The following STXBP5 variants were observed in gnomAD, a reference collection of about 807,000 sequenced individuals.
STXBP5 encodes syntaxin binding protein 5.
STXBP5 carries 50 observed loss-of-function variants against 152.4 expected under a neutral mutation model. The observed-to-expected ratio is 0.33, with a 90% CI of 0.26 to 0.42. STXBP5 has a LOEUF of 0.42. Ranked by LOEUF, STXBP5 falls within the 10% of genes least tolerant of loss-of-function variation. The pLI, the probability that STXBP5 is intolerant of heterozygous loss-of-function variation, is 1.00. For missense variants in STXBP5, 1,167 were observed against 1,388.6 expected, an observed-to-expected ratio of 0.84 and a Z score of 2.54; for synonymous variants, 492 against 494.7, an observed-to-expected ratio of 0.99 and a Z score of 0.07.
rs762695472 is a variant in STXBP5 at position 147,363,413 on chromosome 6, A to G, written c.2624A>G (p.Tyr875Cys). The change falls in exon 24 of 28, where the codon TAT (tyrosine) becomes TGT (cysteine). Residue 875 changes from tyrosine (Y) to cysteine (C), a missense_variant. By Grantham distance (194) the Tyr-to-Cys change is radical. Coordinates refer to ENST00000321680, the MANE Select transcript of STXBP5 (RefSeq NM_001127715.4). ...ACAGGCTGCTTAATACCACCTGCGT[A>G]TGAACCCTGGAGAGAGCACAATGTT... ...DTTGCLIPPA[Y>C]EPWREHNVPE... 9.9e-6 allele frequency: 16 copies of G among 1,614,050 alleles called. No individual in the cohort carries two copies. The highest frequency in any genetic ancestry group is 1.3e-5 in the African/African-American group (1 of 74,936).
chr6:147,264,699 A>G (rs1319906743), intron 6 of STXBP5, among the ~76,000 whole-genome samples: 3 of 152,286 alleles, frequency 2.0e-5, no homozygotes, highest in African/African-American at 7.2e-5. Flanking sequence ...TCTATGGGTT[A>G]TAAAAGATTC....
At chr6:147,236,158 G>A (rs1374741467) in intron 3 of STXBP5, among the ~76,000 whole-genome samples, 1 of 151,956 alleles carries the variant, frequency 6.6e-6, no homozygotes, top group East Asian at 1.9e-4. Context: ...AGGCATCATG[G>A]GTGTAAAAAG....
At chr6:147,258,010 A>G (rs1402473774) in intron 4 of STXBP5, among the ~76,000 whole-genome samples, 1 of 152,160 alleles carries the variant, frequency 6.6e-6, no homozygotes, top group Non-Finnish European at 1.5e-5. Flanking sequence ...GGGCCAGGCC[A>G]GGGTCTCCAA....
chr6:147,248,549 C>T (rs552118028), intron 4 of STXBP5, among the ~76,000 whole-genome samples: 1 of 152,194 alleles, frequency 6.6e-6, no homozygotes, highest in South Asian at 2.1e-4. Context: ...GATTGTGATG[C>T]AGCTGGAGCT....
intron 4 of STXBP5, among the ~76,000 whole-genome samples, chr6:147,248,386 A>T (rs540746345): frequency 2.0e-5 from 3 of 152,174 alleles, no homozygotes; most frequent in Non-Finnish European, 2.9e-5. Context: ...ATGCAAATGT[A>T]TATTACAATA....
At chr6:147,356,003 A>G (rs551690267) in intron 22 of STXBP5, among the ~76,000 whole-genome samples, 3 of 152,208 alleles carry the variant, frequency 2.0e-5, no homozygotes, top group South Asian at 4.1e-4. Flanking sequence ...AAAATAAGCA[A>G]CCTATTTCTA....
At chr6:147,245,361 A>G (rs974440984) in intron 4 of STXBP5, among the ~76,000 whole-genome samples, 1 of 152,194 alleles carries the variant, frequency 6.6e-6, no homozygotes, top group African/African-American at 2.4e-5. Flanking sequence ...AGTTGAGGAA[A>G]AACATACAAT....
intron 2 of STXBP5, among the ~76,000 whole-genome samples, chr6:147,210,108 A>G (rs1776772017): frequency 6.6e-6 from 1 of 152,202 alleles, no homozygotes; most frequent in Non-Finnish European, 1.5e-5. Flanking sequence ...TTATTAATCC[A>G]TATAGGTAGT....
intron 26 of STXBP5, among the ~76,000 whole-genome samples, chr6:147,374,699 C>T (rs969019940): frequency 7.9e-5 from 12 of 152,108 alleles, no homozygotes; most frequent in African/African-American, 1.7e-4. Context: ...AAGCCCAGAG[C>T]GGAGAGCCTG....
intron 10 of STXBP5, among the ~76,000 whole-genome samples, chr6:147,310,515 T>A (rs1359494167): frequency 7.0e-6 from 1 of 142,484 alleles, no homozygotes; most frequent in South Asian, 2.4e-4. Flanking sequence ...ACGCACACAC[T>A]CATAGGAGAG....
chr6:147,293,260 A>T (rs1781365539), intron 9 of STXBP5: 1 of 152,180 alleles, frequency 6.6e-6, no homozygotes, highest in South Asian at 2.1e-4. Flanking sequence ...TTGTTAAATG[A>T]CGTAGTTATA....
intron 4 of STXBP5, among the ~76,000 whole-genome samples, chr6:147,249,123 G>A (rs1308229764): frequency 6.6e-6 from 1 of 152,174 alleles, no homozygotes; most frequent in Non-Finnish European, 1.5e-5. Context: ...CAGCATGGCT[G>A]AAATGTGGAT....
chr6:147,299,401 A>G (rs770080080), intron 9 of STXBP5, among the ~76,000 whole-genome samples: 1 of 152,024 alleles, frequency 6.6e-6, no homozygotes. Flanking sequence ...AGACCTGGAC[A>G]TATTCAGTGC....
At chr6:147,344,268 A>G (rs1784218658) in intron 21 of STXBP5, among the ~76,000 whole-genome samples, 1 of 152,102 alleles carries the variant, frequency 6.6e-6, no homozygotes, top group Non-Finnish European at 1.5e-5. Context: ...GTCTTTTTTT[A>G]CATTAAAAGG....
intron 18 of STXBP5, among the ~76,000 whole-genome samples, chr6:147,333,137 T>G (rs1034547027): frequency 6.6e-6 from 1 of 152,236 alleles, no homozygotes. Flanking sequence ...AAAGATTAAA[T>G]GCATACCTAT....
chr6:147,230,028 C>T (rs932188985), intron 2 of STXBP5, among the ~76,000 whole-genome samples: 15 of 151,632 alleles, frequency 9.9e-5, no homozygotes, highest in African/African-American at 3.6e-4. Context: ...AGGAAATTCC[C>T]TTCTATTTCT....
chr6:147,352,435 A>T (rs1784630717), intron 21 of STXBP5, among the ~76,000 whole-genome samples: 1 of 152,128 alleles, frequency 6.6e-6, no homozygotes, highest in Admixed American at 6.5e-5. Flanking sequence ...CAGGAGTGAA[A>T]CCCCATCTCC....
Position 147,339,321 on chromosome 6 carries a change from A to G in STXBP5, c.2207-16A>G, listed in dbSNP as rs878877373. The G allele has an allele frequency of 3.3e-6, 5 of 1,516,864 alleles. No homozygotes were observed. The South Asian group carries it at 5.2e-5, about 16-fold the overall frequency. The allele number at this position is 1,516,864 out of a possible 1,614,324, so 94.0% of individuals were successfully genotyped here. A position where few individuals can be genotyped will look rare whatever the true frequency, so the allele number is the denominator to read the frequency against. ...TGACTAGATTTTGACATTTTATATC[A>G]AAATATTGTTTTCAGTGAAGACCAA... On this transcript the variant is annotated splice_polypyrimidine_tract_variant and intron_variant, in intron 20 of 27. Transcript: ENST00000321680.
chr6:147,235,734 A>G (rs1562428112), intron 3 of STXBP5, among the ~76,000 whole-genome samples: 1 of 152,192 alleles, frequency 6.6e-6, no homozygotes, highest in African/African-American at 2.4e-5. Flanking sequence ...ATTCATTAGA[A>G]AGTAGTTTCT....
Sources: allele counts gnomAD v4.1 joint callset (sites outside exome capture counted in the v4.1 genomes callset), GRCh38; gene constraint gnomAD v4.1.1; transcripts MANE v1.5; gene names NCBI Gene and HGNC (gene_info 2026-07-23, HGNC 2026-07-21).